Variants in MAP4K3 observed in about 807,000 individuals in gnomAD.
MAP4K3 encodes MAPK/ERK kinase kinase kinase 3.
MAP4K3 carries 94 observed loss-of-function variants against 143.5 expected under a neutral mutation model. That is an observed-to-expected ratio of 0.65 (90% confidence interval 0.55 to 0.78). MAP4K3 has a LOEUF of 0.78. Among genes scored for constraint, MAP4K3 ranks in the 30% least tolerant of loss-of-function variants. The pLI is 0.00. For missense variants in MAP4K3, 1,077 were observed against 1,068.1 expected, an observed-to-expected ratio of 1.01 and a Z score of -0.12; for synonymous variants, 416 against 347.2, an observed-to-expected ratio of 1.20 and a Z score of -2.20.
intron 2 of MAP4K3, among the ~76,000 whole-genome samples, chr2:39,360,639 T>C: frequency 6.6e-6 from 1 of 152,188 alleles, no homozygotes; most frequent in East Asian, 1.9e-4. Flanking sequence ...AGGGTTTAAC[T>C]GACTCACAGT....
intron 28 of MAP4K3, chr2:39,261,052 C>A (rs1364074573): frequency 1.1e-5 from 3 of 275,242 alleles, no homozygotes; most frequent in African/African-American, 2.3e-5. Context: ...AGAGTTGGAA[C>A]CTGGGGCCCA....
At chr2:39,356,673 C>A (rs1327312019) in intron 2 of MAP4K3, among the ~76,000 whole-genome samples, 1 of 152,050 alleles carries the variant, frequency 6.6e-6, no homozygotes, top group African/African-American at 2.4e-5. Flanking sequence ...TAATAATAGC[C>A]TATCTCATAG....
At chr2:39,332,371 T>A (rs543137809) in intron 7 of MAP4K3, among the ~76,000 whole-genome samples, 1 of 152,148 alleles carries the variant, frequency 6.6e-6, no homozygotes, top group African/African-American at 2.4e-5. Context: ...AGAGACATTA[T>A]ATTCCATTCA....
At chr2:39,361,856 T>C (rs1342181633) in intron 2 of MAP4K3, among the ~76,000 whole-genome samples, 1 of 151,998 alleles carries the variant, frequency 6.6e-6, no homozygotes, top group Non-Finnish European at 1.5e-5. Flanking sequence ...TGGAAAACCA[T>C]GTTAGCTTAT....
chr2:39,318,138 C>T (rs1331683818), intron 12 of MAP4K3, among the ~76,000 whole-genome samples: 1 of 152,044 alleles, frequency 6.6e-6, no homozygotes, highest in Non-Finnish European at 1.5e-5. Context: ...AGTAAACTAA[C>T]TCAGGAGCAG....
At chr2:39,340,914 G>A (rs2148532553) in intron 4 of MAP4K3, among the ~76,000 whole-genome samples, 1 of 152,204 alleles carries the variant, frequency 6.6e-6, no homozygotes, top group South Asian at 2.1e-4. Context: ...TAAAAAACTG[G>A]TAAATAGGAA....
intron 2 of MAP4K3, among the ~76,000 whole-genome samples, chr2:39,358,701 G>T (rs1427479355): frequency 6.6e-6 from 1 of 151,994 alleles, no homozygotes; most frequent in Non-Finnish European, 1.5e-5. Flanking sequence ...TGTAGATTTG[G>T]GTAAGAAAAA....
intron 1 of MAP4K3, among the ~76,000 whole-genome samples, chr2:39,414,425 T>A (rs990269619): frequency 6.6e-6 from 1 of 152,172 alleles, no homozygotes; most frequent in Non-Finnish European, 1.5e-5. Flanking sequence ...CACAAAATAA[T>A]GTTAGGCAAA....
At chr2:39,294,489 A>G (rs1285534367) in intron 16 of MAP4K3, among the ~76,000 whole-genome samples, 1 of 152,230 alleles carries the variant, frequency 6.6e-6, no homozygotes, top group Non-Finnish European at 1.5e-5. Flanking sequence ...CCAAGGGCCA[A>G]CTCTAAGAAA....
At chr2:39,354,163 G>T (rs1430459485) in intron 3 of MAP4K3, among the ~76,000 whole-genome samples, 1 of 152,056 alleles carries the variant, frequency 6.6e-6, no homozygotes, top group Non-Finnish European at 1.5e-5. Context: ...ACAAAAAAAG[G>T]CCAGGCACAG....
rs116053819 is a variant in MAP4K3 at position 39,272,264 on chromosome 2, T to G, written c.1973+19A>C. The G allele has an allele frequency of 1.5e-3, 2,308 of 1,518,544 alleles. 32 individuals are homozygous for G. The African/African-American group carries it at 0.029, about 19-fold the overall frequency. The allele number at this position is 1,518,544 out of a possible 1,614,324, so 94.1% of individuals were successfully genotyped here. A position where few individuals can be genotyped will look rare whatever the true frequency, so the allele number is the denominator to read the frequency against. On this transcript the variant is annotated intron_variant, in intron 26 of 33. Transcript: ENST00000263881. ...AATGAACTGTTAATATCATATTGCC[T>G]CTAAGGATGTACCCTTACCTTGGCA...
At chr2:39,289,762 T>G (rs1457594996) in intron 19 of MAP4K3, among the ~76,000 whole-genome samples, 1 of 152,206 alleles carries the variant, frequency 6.6e-6, no homozygotes, top group African/African-American at 2.4e-5. Flanking sequence ...ATTTTCAGTG[T>G]AAATTCCTAG....
intron 1 of MAP4K3, among the ~76,000 whole-genome samples, chr2:39,405,653 A>G (rs1200845624): frequency 6.6e-6 from 1 of 152,174 alleles, no homozygotes; most frequent in Non-Finnish European, 1.5e-5. Flanking sequence ...AGACTACTTG[A>G]GCCCAGGAAT....
rs1452206118 is a variant in MAP4K3, at chr2:39,272,311, G to A, written c.1945C>T (p.His649Tyr). ...GGCAGTATTCTGTCAGGGAGTTTGT[G>A]TGCTGGAATAGCAACAGGTAACTTT... Reference protein sequence around the residue: ...MQKLPVAIPAHKLPDRILPRK... With the variant: ...MQKLPVAIPAYKLPDRILPRK... The change falls in exon 26 of 34, where the codon CAC (histidine) becomes TAC (tyrosine). Residue 649 changes from histidine (H) to tyrosine (Y), a missense_variant. By Grantham distance (83) the His-to-Tyr change is moderately conservative. Transcript: ENST00000263881. 6.2e-7 allele frequency: 1 copy of A among 1,613,530 alleles called. No homozygotes were observed. The highest frequency in any genetic ancestry group is 1.1e-5 in the South Asian group (1 of 91,072).
At chr2:39,351,433 G>A (rs556262968) in intron 3 of MAP4K3, among the ~76,000 whole-genome samples, 1 of 152,120 alleles carries the variant, frequency 6.6e-6, no homozygotes, top group Non-Finnish European at 1.5e-5. Flanking sequence ...AATTATTACT[G>A]CATCTAGCAT....
chr2:39,400,845 C>T (rs1018587443), intron 1 of MAP4K3, among the ~76,000 whole-genome samples: 1 of 152,078 alleles, frequency 6.6e-6, no homozygotes, highest in African/African-American at 2.4e-5. Flanking sequence ...AGCAGCTATA[C>T]CCTTTCACCT....
At chr2:39,415,651 T>C (rs1667348643) in intron 1 of MAP4K3, among the ~76,000 whole-genome samples, 1 of 151,998 alleles carries the variant, frequency 6.6e-6, no homozygotes, top group South Asian at 2.1e-4. Flanking sequence ...TAATGGTACT[T>C]AATATAAAAA....
At chr2:39,333,295 G>A (rs1683739643) in intron 7 of MAP4K3, among the ~76,000 whole-genome samples, 1 of 152,072 alleles carries the variant, frequency 6.6e-6, no homozygotes. Flanking sequence ...AAAGAATTCA[G>A]AAAGGGTATT....
rs1389204142 is a variant in MAP4K3 at position 39,344,173 on chromosome 2, A to C, written c.246-721T>G. Among the ~76,000 whole-genome samples, 3 of 152,188 alleles carry C rather than the reference A, an allele frequency of 2.0e-5. No individual in the cohort carries two copies. The East Asian group carries it at 5.8e-4, about 29-fold the overall frequency. Reference sequence around the variant, plus strand: ...CTGTCTCTCTCACCACTGCCTTCTTAGTGTCTAGAAGAATATCCAGCAAAT... The same window carrying C: ...CTGTCTCTCTCACCACTGCCTTCTTCGTGTCTAGAAGAATATCCAGCAAAT... On this transcript the variant is annotated intron_variant, in intron 3 of 33. Transcript: ENST00000263881.
Sources: gnomAD v4.1 joint callset for allele counts (sites outside exome capture counted in the v4.1 genomes callset) on GRCh38, gnomAD v4.1.1 for gene constraint, MANE v1.5 for transcripts, NCBI Gene and HGNC (gene_info 2026-07-23, HGNC 2026-07-21) for gene names.